The following ALKBH1 variants were observed in gnomAD, a reference collection of about 807,000 sequenced individuals.
ALKBH1 encodes the protein alkB homolog 1, histone H2A dioxygenase.
A neutral mutation model predicts 36.6 loss-of-function variants in ALKBH1; 31 were observed. The ratio of observed to expected loss-of-function variants is 0.85; its 90% CI spans 0.64 to 1.14. The LOEUF is 1.14. Among genes scored for constraint, ALKBH1 ranks in the 50% most tolerant of loss-of-function variants. The pLI, the probability that ALKBH1 is intolerant of heterozygous loss-of-function variation, is 0.00. For missense variants in ALKBH1, 490 were observed against 497.3 expected (o/e 0.99, Z 0.14); for synonymous variants, 183 against 186.6 (o/e 0.98, Z 0.16).
intron 4 of ALKBH1, among the ~76,000 whole-genome samples, chr14:77,676,499 A>G (rs1272253621): frequency 1.3e-5 from 2 of 152,234 alleles, no homozygotes; most frequent in Admixed American, 6.5e-5. Flanking sequence ...CAGGTGCCCA[A>G]GGAAACACAA....
chr14:77,673,675 AAC>A lies in ALKBH1; in HGVS notation c.*135_*136del, dbSNP rs2080188305. ...TTTACTTCTGCGTGGGTTCCAAGGC[AAC>A]AGTGTGATCAACAATGAGTTCTTCC... On this transcript the variant is annotated 3_prime_UTR_variant, in exon 6 of 6. Transcript: ENST00000216489. The A allele has an allele frequency of 1.1e-6, 1 of 912,178 alleles. No homozygotes were observed. Among genetic ancestry groups the A allele is most frequent in the African/African-American group, 1.7e-5 (1 of 60,240 alleles). The allele number at this position is 912,178 out of a possible 1,614,324, so 56.5% of individuals were successfully genotyped here.
intron 3 of ALKBH1, 109 bp downstream of exon 3, chr14:77,694,629 A>T: frequency 1.0e-6 from 1 of 957,698 alleles, no homozygotes; most frequent in Non-Finnish European, 1.4e-6. Context: ...TGAAGGGAAA[A>T]AAAAACCCAG....
rs1328644163 is a variant in ALKBH1 at position 77,672,450 on chromosome 14, A to G, written c.*1362T>C. ...TTATTCATTTAAAAACCCTGCTATT[A>G]CCATATGAACTCAATATTCAATGCC... On this transcript the variant is annotated 3_prime_UTR_variant, in exon 6 of 6. Transcript: ENST00000216489. The G allele has an allele frequency of 2.6e-5, 4 of 152,234 alleles. No individual in the cohort carries two copies. Among genetic ancestry groups the G allele is most frequent in the Non-Finnish European group, 5.9e-5 (4 of 68,050 alleles). 9.4% of individuals were successfully genotyped at this position (152,234 alleles called of 1,614,324 possible). A position where few individuals can be genotyped will look rare whatever the true frequency, so the allele number is the denominator to read the frequency against.
intron 3 of ALKBH1, among the ~76,000 whole-genome samples, chr14:77,692,612 C>T (rs955243382): frequency 1.3e-5 from 2 of 152,094 alleles, no homozygotes; most frequent in African/African-American, 4.8e-5. Flanking sequence ...TTGGGGACCC[C>T]CCTGCTCTAC....
chr14:77,694,914 G>T lies in ALKBH1; in HGVS notation c.293-14C>A. ...TAAAAATAAACCCTATACAAAAGAT[G>T]GGTGGGAAAAAAAGAAGAGGGGGAA... On this transcript the variant is annotated splice_polypyrimidine_tract_variant and intron_variant, in intron 2 of 5. Coordinates refer to ENST00000216489, the MANE Select transcript of ALKBH1 (RefSeq NM_006020.3). 1 of 1,474,540 alleles carries T rather than the reference G, an allele frequency of 6.8e-7. No homozygotes were observed. Among genetic ancestry groups the T allele is most frequent in the South Asian group, 1.5e-5 (1 of 66,592 alleles). 91.3% of individuals were successfully genotyped at this position (1,474,540 alleles called of 1,614,324 possible). A position where few individuals can be genotyped will look rare whatever the true frequency, so the allele number is the denominator to read the frequency against.
intron 3 of ALKBH1, among the ~76,000 whole-genome samples, chr14:77,692,879 G>C (rs572634165): frequency 6.7e-6 from 1 of 150,138 alleles, no homozygotes; most frequent in African/African-American, 2.5e-5. Context: ...TAGGACTACA[G>C]GCACACACCA....
chr14:77,675,861 G>C lies in ALKBH1; in HGVS notation c.547-12C>G. ...TCTGCTGAGTATTTCTTTGGTAAATGTAGAGAGAATAAGAAAAATAAACAA... is the reference window on the plus strand; with the variant it reads ...TCTGCTGAGTATTTCTTTGGTAAATCTAGAGAGAATAAGAAAAATAAACAA... On this transcript the variant is annotated splice_polypyrimidine_tract_variant and intron_variant, in intron 4 of 5. Coordinates refer to ENST00000216489, the MANE Select transcript of ALKBH1 (RefSeq NM_006020.3). The C allele has an allele frequency of 6.3e-7, 1 of 1,599,282 alleles. No individual in the cohort carries two copies. Among genetic ancestry groups the C allele is most frequent in the Non-Finnish European group, 8.6e-7 (1 of 1,166,926 alleles).
At chr14:77,694,989 T>C in intron 2 of ALKBH1, 89 bp from the exon 3 acceptor site, 2 of 1,153,618 alleles carry the variant, frequency 1.7e-6, no homozygotes, top group South Asian at 5.2e-5. Flanking sequence ...ACTCACTATT[T>C]TGTTATTTAC....
intron 3 of ALKBH1, among the ~76,000 whole-genome samples, chr14:77,682,476 A>G (rs1209341192): frequency 6.6e-6 from 1 of 152,186 alleles, no homozygotes; most frequent in Admixed American, 6.5e-5. Flanking sequence ...TTTGTAGCCA[A>G]TTCCTTATTT....
chr14:77,673,127 T>C lies in ALKBH1; in HGVS notation c.*685A>G, dbSNP rs769888639. ...GACTTTTTTATTCCAACAATTAAAA[T>C]TGCATTAAAAAGCCAACAGGGAGTT... On this transcript the variant is annotated 3_prime_UTR_variant, in exon 6 of 6. Transcript: ENST00000216489. 2 of 152,336 alleles carry C rather than the reference T, an allele frequency of 1.3e-5. No individual in the cohort carries two copies. The highest frequency in any genetic ancestry group is 6.5e-5 in the Admixed American group (1 of 15,302). The allele number at this position is 152,336 out of a possible 1,614,324, so 9.4% of individuals were successfully genotyped here.
intron 2 of ALKBH1, among the ~76,000 whole-genome samples, chr14:77,697,941 A>G (rs1474604869): frequency 6.6e-6 from 1 of 152,086 alleles, no homozygotes; most frequent in Non-Finnish European, 1.5e-5. Context: ...TGAACCCAGG[A>G]GGCACAGGTT....
chr14:77,703,799 T>C (rs368872978), intron 2 of ALKBH1, among the ~76,000 whole-genome samples: 83 of 152,186 alleles, frequency 5.5e-4, no homozygotes, highest in African/African-American at 2.0e-3. Context: ...GATTTCACCA[T>C]GTTGGCCAGG....
chr14:77,689,905 C>T (rs1051182787), intron 3 of ALKBH1, among the ~76,000 whole-genome samples: 2 of 151,844 alleles, frequency 1.3e-5, no homozygotes, highest in South Asian at 2.1e-4. Context: ...ATTGTAGTTC[C>T]GGCTATTCAG....
intron 3 of ALKBH1, among the ~76,000 whole-genome samples, chr14:77,682,841 A>C (rs1377651277): frequency 6.6e-6 from 1 of 151,928 alleles, no homozygotes; most frequent in Non-Finnish European, 1.5e-5. Context: ...GTGATTACAG[A>C]ATGCACCACC....
chr14:77,694,145 C>A (rs2080313918), intron 3 of ALKBH1, among the ~76,000 whole-genome samples: 1 of 152,198 alleles, frequency 6.6e-6, no homozygotes, highest in Non-Finnish European at 1.5e-5. Context: ...ATAGGTAATG[C>A]ATTCTTGCCA....
intron 2 of ALKBH1, among the ~76,000 whole-genome samples, chr14:77,701,919 T>C (rs1241491511): frequency 6.6e-6 from 1 of 152,218 alleles, no homozygotes; most frequent in Admixed American, 6.5e-5. Context: ...TTAGACAATT[T>C]AAAACTCAAG....
At chr14:77,674,714 G>A (rs887671883) in intron 5 of ALKBH1, among the ~76,000 whole-genome samples, 4 of 151,990 alleles carry the variant, frequency 2.6e-5, no homozygotes, top group South Asian at 2.1e-4. Flanking sequence ...CACCACACCC[G>A]ACTAATTTTT....
intron 5 of ALKBH1, among the ~76,000 whole-genome samples, chr14:77,674,455 C>A (rs1418041059): frequency 6.6e-6 from 1 of 152,114 alleles, no homozygotes; most frequent in Admixed American, 6.5e-5. Context: ...ATAGTTATGA[C>A]AGCCCACAGA....
chr14:77,704,447 C>T lies in ALKBH1; in HGVS notation c.214G>A (p.Val72Ile). The change falls in exon 2 of 6, where the codon GTC (valine) becomes ATC (isoleucine). Residue 72 changes from valine to isoleucine, a missense_variant. Physicochemically the swap from Val to Ile is conservative, Grantham distance 29. Transcript: ENST00000216489. Reference sequence around the variant, plus strand: ...GCTCTATATGCATTCTGCTCACTGACAGAAGACACATTTAGCTGAGATTTG... The same window carrying T: ...GCTCTATATGCATTCTGCTCACTGATAGAAGACACATTTAGCTGAGATTTG... Reference protein sequence around the residue: ...VIKSQLNVSSVSEQNAYRAGL... With the variant: ...VIKSQLNVSSISEQNAYRAGL... 1 of 1,614,144 alleles carries T rather than the reference C, an allele frequency of 6.2e-7. No individual in the cohort carries two copies. Among genetic ancestry groups the T allele is most frequent in the Non-Finnish European group, 8.5e-7 (1 of 1,180,002 alleles).
Sources: gnomAD v4.1 joint callset for allele counts (sites outside exome capture counted in the v4.1 genomes callset) on GRCh38, gnomAD v4.1.1 for gene constraint, MANE v1.5 for transcripts, NCBI Gene and HGNC (gene_info 2026-07-23, HGNC 2026-07-21) for gene names.